PARN: variants seen among roughly 807,000 people sequenced by gnomAD.
PARN encodes the protein poly(A)-specific ribonuclease.
A neutral mutation model predicts 102.8 loss-of-function variants in PARN; 71 were observed. The observed-to-expected ratio is 0.69, with a 90% CI of 0.57 to 0.84. The LOEUF (loss-of-function observed/expected upper bound fraction) is 0.84. Among genes scored for constraint, PARN ranks in the 40% least tolerant of loss-of-function variants. The probability of loss-of-function intolerance (pLI) is 0.00; values close to 1 mark genes in which losing one functional copy is unlikely to be tolerated. For missense variants in PARN, 782 were observed against 760.9 expected, an observed-to-expected ratio of 1.03 and a Z score of -0.33; for synonymous variants, 261 against 252.9, an observed-to-expected ratio of 1.03 and a Z score of -0.30.
chr16:14,461,424 A>G (rs1961966393), intron 22 of PARN, among the ~76,000 whole-genome samples: 1 of 152,198 alleles, frequency 6.6e-6, no homozygotes, highest in African/African-American at 2.4e-5. Context: ...TGTTTCTTCT[A>G]TGCCTGGGTG....
At chr16:14,594,336 AATT>A (rs1332620621) in intron 12 of PARN, among the ~76,000 whole-genome samples, 1 of 152,220 alleles carries the variant, frequency 6.6e-6, no homozygotes, top group East Asian at 1.9e-4. Flanking sequence ...ATGTGCAACA[AATT>A]AGTCCATTTT....
chr16:14,593,398 G>C lies in PARN; in HGVS notation c.841-20C>G. On this transcript the variant is annotated intron_variant, in intron 12 of 23. Coordinates refer to ENST00000437198, the MANE Select transcript of PARN (RefSeq NM_002582.4). ...TTTTCCCTAAAGAAAGTCAAGGTTA[G>C]AAAAAAGACTTCTACATTCGAAATT... 1 of 1,151,538 alleles carries C rather than the reference G, an allele frequency of 8.7e-7. No individual in the cohort carries two copies. Among genetic ancestry groups the C allele is most frequent in the Non-Finnish European group, 1.2e-6 (1 of 826,866 alleles). The allele number at this position is 1,151,538 out of a possible 1,614,324, so 71.3% of individuals were successfully genotyped here. A position where few individuals can be genotyped will look rare whatever the true frequency, so the allele number is the denominator to read the frequency against.
intron 22 of PARN, among the ~76,000 whole-genome samples, chr16:14,482,041 C>T (rs758969020): frequency 6.6e-6 from 1 of 152,116 alleles, no homozygotes; most frequent in Non-Finnish European, 1.5e-5. Context: ...AATCCTGGTT[C>T]TTGCACAGAA....
intron 21 of PARN, among the ~76,000 whole-genome samples, chr16:14,521,515 C>T (rs1413422913): frequency 1.3e-5 from 2 of 152,148 alleles, no homozygotes; most frequent in East Asian, 1.9e-4. Flanking sequence ...ATATATGTAA[C>T]GGGCCGGGCA....
At chr16:14,550,639 G>C (rs1019285034) in intron 21 of PARN, among the ~76,000 whole-genome samples, 1 of 152,100 alleles carries the variant, frequency 6.6e-6, no homozygotes, top group South Asian at 2.1e-4. Flanking sequence ...AAAATACTGT[G>C]ATCTGAATTT....
intron 10 of PARN, among the ~76,000 whole-genome samples, chr16:14,605,191 A>G (rs1971110264): frequency 6.6e-6 from 1 of 152,082 alleles, no homozygotes; most frequent in East Asian, 1.9e-4. Flanking sequence ...TGACCTGCTC[A>G]TCTCAGCCTC....
At chr16:14,501,424 G>A (rs1964587218) in intron 21 of PARN, 1 of 14,702 alleles carries the variant, frequency 6.8e-5, no homozygotes, top group African/African-American at 1.9e-4. Flanking sequence ...CTGGGACAAA[G>A]CAAGACTGTC....
chr16:14,527,903 G>A (rs1459728340), intron 21 of PARN, among the ~76,000 whole-genome samples: 1 of 152,234 alleles, frequency 6.6e-6, no homozygotes, highest in Non-Finnish European at 1.5e-5. Flanking sequence ...AGCAGAAACT[G>A]GAAGGCAGAG....
At chr16:14,610,431 C>G (rs1225923304) in intron 7 of PARN, among the ~76,000 whole-genome samples, 1 of 150,180 alleles carries the variant, frequency 6.7e-6, no homozygotes, top group Non-Finnish European at 1.5e-5. Flanking sequence ...CAGGATTGCA[C>G]CAATGCACTC....
intron 16 of PARN, among the ~76,000 whole-genome samples, chr16:14,582,727 G>C (rs181023558): frequency 6.6e-6 from 1 of 152,126 alleles, no homozygotes; most frequent in Admixed American, 6.5e-5. Context: ...CACTGAGTTC[G>C]AATCTCTGCT....
In PARN at chr16:14,555,647, T is replaced by G; in HGVS notation, c.1318+7A>C. 7.6e-7 allele frequency: 1 copy of G among 1,323,294 alleles called. No homozygotes were observed. The highest frequency in any genetic ancestry group is 1.0e-6 in the Non-Finnish European group (1 of 953,068). The allele number at this position is 1,323,294 out of a possible 1,614,324, so 82.0% of individuals were successfully genotyped here. ...CAGATGCAATAAGAAAATAAAAATT[T>G]ACTTACAGTCTGGTCCTTCCAAGTT... is the stretch of plus-strand genomic sequence containing the variant. On this transcript the variant is annotated splice_region_variant and intron_variant, in intron 19 of 23. Coordinates refer to ENST00000437198, the MANE Select transcript of PARN (RefSeq NM_002582.4).
At chr16:14,502,257 A>G (rs1964661452) in intron 21 of PARN, among the ~76,000 whole-genome samples, 1 of 152,226 alleles carries the variant, frequency 6.6e-6, no homozygotes, top group South Asian at 2.1e-4. Context: ...TTTAGTTAAA[A>G]TTACCCTTGA....
intron 21 of PARN, among the ~76,000 whole-genome samples, chr16:14,486,561 C>T (rs1963709723): frequency 6.6e-6 from 1 of 152,218 alleles, no homozygotes; most frequent in African/African-American, 2.4e-5. Context: ...AACTCCCTAA[C>T]CATGGCGAGG....
At chr16:14,527,953 C>T (rs543421769) in intron 21 of PARN, among the ~76,000 whole-genome samples, 1 of 152,276 alleles carries the variant, frequency 6.6e-6, no homozygotes, top group Admixed American at 6.5e-5. Flanking sequence ...ACATGTTGGG[C>T]AATACAAAAT....
At chr16:14,566,695 A>G (rs1002026185) in intron 18 of PARN, among the ~76,000 whole-genome samples, 2 of 152,228 alleles carry the variant, frequency 1.3e-5, no homozygotes, top group African/African-American at 4.8e-5. Context: ...TTTTACCTCA[A>G]CAAGTTATTT....
intron 13 of PARN, among the ~76,000 whole-genome samples, chr16:14,587,619 C>A (rs1053527641): frequency 6.6e-6 from 1 of 152,194 alleles, no homozygotes; most frequent in South Asian, 2.1e-4. Flanking sequence ...CAGGTATGCA[C>A]CACCACACCC....
intron 23 of PARN, among the ~76,000 whole-genome samples, chr16:14,438,118 A>G (rs1187457300): frequency 1.3e-5 from 2 of 152,184 alleles, no homozygotes; most frequent in Non-Finnish European, 2.9e-5. Context: ...TGATCCACTG[A>G]AAAGGACTCA....
At chr16:14,442,121 G>C (rs890710782) in intron 23 of PARN, among the ~76,000 whole-genome samples, 1 of 152,178 alleles carries the variant, frequency 6.6e-6, no homozygotes, top group African/African-American at 2.4e-5. Context: ...CTAAGGTGCT[G>C]ATGGAACCTG....
intron 6 of PARN, among the ~76,000 whole-genome samples, chr16:14,616,651 G>A (rs570030785): frequency 6.6e-6 from 1 of 152,240 alleles, no homozygotes; most frequent in South Asian, 2.1e-4. Context: ...GGGTGAGGTG[G>A]GAGGATCATT....
Sources: allele counts gnomAD v4.1 joint callset (sites outside exome capture counted in the v4.1 genomes callset), GRCh38; gene constraint gnomAD v4.1.1; transcripts MANE v1.5; gene names NCBI Gene and HGNC (gene_info 2026-07-23, HGNC 2026-07-21).